WWOX: variants seen among roughly 807,000 people sequenced by gnomAD.
WWOX encodes the protein WW domain-containing oxidoreductase.
A neutral mutation model predicts 46.2 loss-of-function variants in WWOX; 69 were observed. That is an observed-to-expected ratio of 1.49 (90% CI 1.23 to 1.82). WWOX has a LOEUF of 1.82. Among genes scored for constraint, WWOX ranks in the 40% most tolerant of loss-of-function variants. WWOX has a pLI of 0.00. For synonymous variants in WWOX, 359 were observed against 202.6 expected (o/e 1.77, Z -6.56); for missense variants, 919 against 542.6 (o/e 1.69, Z -6.89).
chr16:78,463,579 T>C (rs2084004454), intron 8 of WWOX, among the ~76,000 whole-genome samples: 1 of 152,098 alleles, frequency 6.6e-6, no homozygotes, highest in South Asian at 2.1e-4. Flanking sequence ...TAGAGAAAAA[T>C]GAGATGAGGT....
At chr16:78,399,748 C>T (rs1037338283) in intron 6 of WWOX, among the ~76,000 whole-genome samples, 2 of 152,176 alleles carry the variant, frequency 1.3e-5, no homozygotes, top group African/African-American at 2.4e-5. Context: ...TTTTTCTCCT[C>T]TTAGCATCCT....
At chr16:78,519,186 G>T (rs911383046) in intron 8 of WWOX, among the ~76,000 whole-genome samples, 1 of 152,076 alleles carries the variant, frequency 6.6e-6, no homozygotes, top group African/African-American at 2.4e-5. Context: ...TCTAAAACGA[G>T]GCTCTTGATG....
intron 8 of WWOX, among the ~76,000 whole-genome samples, chr16:78,483,869 T>C (rs1034704433): frequency 6.6e-6 from 1 of 152,192 alleles, no homozygotes; most frequent in African/African-American, 2.4e-5. Flanking sequence ...GCATTGACTT[T>C]GCTCACAAAA....
At chr16:78,251,676 G>A (rs1019941812) in intron 5 of WWOX, among the ~76,000 whole-genome samples, 35 of 152,110 alleles carry the variant, frequency 2.3e-4, no homozygotes, top group Admixed American at 1.6e-3. Flanking sequence ...CGATGCTTTG[G>A]GAACACATGG....
intron 8 of WWOX, among the ~76,000 whole-genome samples, chr16:79,130,470 A>G (rs1474957712): frequency 3.9e-5 from 6 of 152,148 alleles, no homozygotes; most frequent in African/African-American, 1.4e-4. Flanking sequence ...GGGTTAGTAA[A>G]GGCCTCAGAG....
intron 8 of WWOX, among the ~76,000 whole-genome samples, chr16:78,596,694 G>C (rs2045499495): frequency 6.6e-6 from 1 of 152,188 alleles, no homozygotes; most frequent in African/African-American, 2.4e-5. Context: ...AGAATCAGTT[G>C]AGAGGTAAGC....
intron 8 of WWOX, among the ~76,000 whole-genome samples, chr16:78,478,949 C>G (rs2151443605): frequency 6.6e-6 from 1 of 152,028 alleles, no homozygotes; most frequent in South Asian, 2.1e-4. Context: ...GGCCCCTTTT[C>G]TCCTTTGATT....
chr16:78,494,260 T>C (rs1479301240), intron 8 of WWOX, among the ~76,000 whole-genome samples: 3 of 152,152 alleles, frequency 2.0e-5, no homozygotes, highest in East Asian at 3.9e-4. Context: ...GTCTAGTTCC[T>C]GCAGAGAACA....
chr16:78,144,448 C>CGTATATATATATATAT lies in WWOX; in HGVS notation c.410-19735_410-19734insGTATATATATATATAT, dbSNP rs71380475. 6.7e-3 allele frequency among the ~76,000 whole-genome samples: 117 copies of CGTATATATATATATAT among 17,584 alleles called. 19 individuals carry two copies. Among genetic ancestry groups the CGTATATATATATATAT allele is most frequent in the African/African-American group, 0.014 (95 of 6,946 alleles). The allele number at this position is 17,584 out of a possible 152,430, so 11.5% of individuals were successfully genotyped here. A position where few individuals can be genotyped will look rare whatever the true frequency, so the allele number is the denominator to read the frequency against. ...CCATTACTATATATATATATATATA[C>CGTATATATATATATAT]ACATATATATATATACACACATATA... On this transcript the variant is annotated intron_variant, in intron 4 of 8. Transcript: ENST00000566780.
At chr16:78,537,873 G>A (rs1044011795) in intron 8 of WWOX, among the ~76,000 whole-genome samples, 3 of 152,092 alleles carry the variant, frequency 2.0e-5, no homozygotes, top group Non-Finnish European at 2.9e-5. Flanking sequence ...CTCTGGCCTC[G>A]GCCTTCTCCG....
intron 8 of WWOX, among the ~76,000 whole-genome samples, chr16:78,487,960 C>G (rs1298983943): frequency 3.3e-5 from 5 of 152,126 alleles, no homozygotes; most frequent in Non-Finnish European, 7.4e-5. Context: ...GGATCATTAT[C>G]CCACCTTCCC....
At chr16:79,139,004 C>A (rs1211222673) in intron 8 of WWOX, among the ~76,000 whole-genome samples, 1 of 152,102 alleles carries the variant, frequency 6.6e-6, no homozygotes, top group South Asian at 2.1e-4. Flanking sequence ...TATTGATGAC[C>A]TTTCTCTCCT....
At chr16:78,998,456 A>T (rs1052924585) in intron 8 of WWOX, among the ~76,000 whole-genome samples, 2 of 152,138 alleles carry the variant, frequency 1.3e-5, no homozygotes, top group Non-Finnish European at 2.9e-5. Flanking sequence ...GTCAGTTTTA[A>T]AGATTTTTTC....
At chr16:79,102,400 G>A (rs908089285) in intron 8 of WWOX, among the ~76,000 whole-genome samples, 5 of 152,120 alleles carry the variant, frequency 3.3e-5, no homozygotes, top group African/African-American at 1.2e-4. Flanking sequence ...TTTTATGAAT[G>A]TATGGAATAT....
chr16:78,639,154 C>A (rs370323096), intron 8 of WWOX, among the ~76,000 whole-genome samples: 83 of 152,256 alleles, frequency 5.5e-4, no homozygotes, highest in African/African-American at 1.9e-3. Context: ...AACTTGAAAC[C>A]AAAAGTCTGT....
chr16:79,204,320 T>C (rs1194857279), intron 8 of WWOX: 1 of 152,148 alleles, frequency 6.6e-6, no homozygotes, highest in East Asian at 1.9e-4. Context: ...TCTAGAACGC[T>C]TTGGGCAGGC....
chr16:78,789,137 C>T (rs540630885), intron 8 of WWOX, among the ~76,000 whole-genome samples: 2 of 152,178 alleles, frequency 1.3e-5, no homozygotes, highest in African/African-American at 4.8e-5. Context: ...TCTGTGGTGT[C>T]ACCCCTCCTC....
At chr16:78,578,567 C>T (rs146561720) in intron 8 of WWOX, among the ~76,000 whole-genome samples, 5,890 of 151,754 alleles carry the variant, frequency 0.039, 172 homozygotes, top group Middle Eastern at 0.12. Context: ...GGATTACAGG[C>T]GTGAGCCACC....
intron 8 of WWOX, among the ~76,000 whole-genome samples, chr16:78,994,150 A>C (rs1217581783): frequency 1.3e-5 from 2 of 152,228 alleles, no homozygotes; most frequent in Non-Finnish European, 2.9e-5. Context: ...AAATTAATCA[A>C]AACCCCCTTC....
Sources: allele counts gnomAD v4.1 joint callset (sites outside exome capture counted in the v4.1 genomes callset), GRCh38; gene constraint gnomAD v4.1.1; transcripts MANE v1.5; gene names NCBI Gene and HGNC (gene_info 2026-07-23, HGNC 2026-07-21).